GLIS3: variants seen among roughly 807,000 people sequenced by gnomAD.
The protein encoded by GLIS3 is zinc finger protein GLIS3.
A neutral mutation model predicts 78.6 loss-of-function variants in GLIS3; 53 were observed. That is an observed-to-expected ratio of 0.67 (90% CI 0.54 to 0.85). The LOEUF (loss-of-function observed/expected upper bound fraction) is 0.85, where lower values mean the gene tolerates loss of function less well. GLIS3 is among the 40% of genes least tolerant of loss of function. The pLI is 0.00. For synonymous variants in GLIS3, 684 were observed against 509.9 expected (o/e 1.34, Z -4.60); for missense variants, 1,703 against 1,231.1 (o/e 1.38, Z -5.74).
intron 4 of GLIS3, among the ~76,000 whole-genome samples, chr9:4,116,737 G>C (rs1320595313): frequency 6.6e-6 from 1 of 152,142 alleles, no homozygotes; most frequent in Non-Finnish European, 1.5e-5. Flanking sequence ...TGTTTAAATT[G>C]ATTTATATAT....
chr9:3,828,979 A>C (rs927176492), intron 10 of GLIS3, among the ~76,000 whole-genome samples: 3 of 152,196 alleles, frequency 2.0e-5, no homozygotes, highest in African/African-American at 7.2e-5. Flanking sequence ...GAAAAGAGGC[A>C]TATTTTATCC....
At chr9:3,926,237 T>TG (rs1489798670) in intron 6 of GLIS3, among the ~76,000 whole-genome samples, 4 of 149,460 alleles carry the variant, frequency 2.7e-5, no homozygotes, top group East Asian at 3.9e-4. Context: ...TCTTTTGTTT[T>TG]TTTTTTTTTC....
intron 4 of GLIS3, among the ~76,000 whole-genome samples, chr9:3,954,751 G>C (rs1816972186): frequency 6.6e-6 from 1 of 152,180 alleles, no homozygotes; most frequent in Non-Finnish European, 1.5e-5. Flanking sequence ...TATGGAGAAA[G>C]AATGAATATT....
intron 4 of GLIS3, among the ~76,000 whole-genome samples, chr9:3,969,937 C>T (rs1456434863): frequency 6.6e-6 from 1 of 152,148 alleles, no homozygotes; most frequent in Non-Finnish European, 1.5e-5. Flanking sequence ...GTTTCAGGGG[C>T]AAATCTTGCA....
intron 6 of GLIS3, among the ~76,000 whole-genome samples, chr9:3,919,648 TAA>T (rs570683535): frequency 2.4e-5 from 3 of 123,812 alleles, no homozygotes; most frequent in African/African-American, 8.8e-5. Context: ...AGTTAAAAAA[TAA>T]AAAAAAAAAA....
chr9:4,037,657 T>C (rs1824448873), intron 4 of GLIS3, among the ~76,000 whole-genome samples: 1 of 151,984 alleles, frequency 6.6e-6, no homozygotes, highest in Non-Finnish European at 1.5e-5. Flanking sequence ...CACTAGGAGA[T>C]AAATTTCTCA....
At chr9:3,867,424 A>G (rs1051070829) in intron 8 of GLIS3, among the ~76,000 whole-genome samples, 12 of 152,212 alleles carry the variant, frequency 7.9e-5, no homozygotes, top group Non-Finnish European at 1.5e-4. Flanking sequence ...CCAAAGGCCA[A>G]TGACCTAACT....
intron 7 of GLIS3, among the ~76,000 whole-genome samples, chr9:3,881,308 G>A (rs1481280028): frequency 6.6e-6 from 1 of 151,946 alleles, no homozygotes; most frequent in Non-Finnish European, 1.5e-5. Flanking sequence ...AGAAATGTGA[G>A]TTCTCCTATT....
intron 2 of GLIS3, among the ~76,000 whole-genome samples, chr9:4,203,998 G>C (rs1414237776): frequency 6.6e-6 from 1 of 152,068 alleles, no homozygotes; most frequent in Non-Finnish European, 1.5e-5. Flanking sequence ...AAAACTGTTG[G>C]GTATATGCTA....
chr9:4,375,474 T>C, the GLIS3 span, among the ~76,000 whole-genome samples: 10 of 152,238 alleles, frequency 6.6e-5, no homozygotes, highest in Non-Finnish European at 1.2e-4. Flanking sequence ...GTGTTTGTGC[T>C]ACATTGAAGA....
Position 4,117,879 on chromosome 9 carries a change from G to A in GLIS3, c.1599C>T (p.Asp533=). ...GGCAACCGGCCCAGAAGCAAGTGAA[G>A]TCCTCCCCTTTGCGCTGGTCGATGT... ...KVHIDQRKGE[D]FTCFWAGCPR... Residue 533 remains aspartate, a synonymous_variant, in exon 4 of 11, where the codon GAC becomes GAT. Transcript: ENST00000381971. 1 of 1,614,162 alleles carries A rather than the reference G, an allele frequency of 6.2e-7. No homozygotes were observed. Among genetic ancestry groups the A allele is most frequent in the Non-Finnish European group, 8.5e-7 (1 of 1,180,042 alleles).
chr9:4,413,120 C>T, the GLIS3 span, among the ~76,000 whole-genome samples: 3 of 152,142 alleles, frequency 2.0e-5, no homozygotes, highest in African/African-American at 7.2e-5. Flanking sequence ...TTATTAAAGG[C>T]AGGTAATCAT....
Position 3,898,703 on chromosome 9 carries a change from C to G in GLIS3, c.2116G>C (p.Asp706His). The G allele has an allele frequency of 6.2e-7, 1 of 1,614,080 alleles. No homozygotes were observed. The highest frequency in any genetic ancestry group is 8.5e-7 in the Non-Finnish European group (1 of 1,180,010). ...TTGCTGTCTTTACCTGAATAGAGGT[C>G]AGGCCCGGGTCCAGGGGAGCGTCCC... ...TVGRSPGPGP[D>H]LYSAPIFSSN... The change falls in exon 7 of 11, where the codon GAC becomes CAC. Residue 706 changes from aspartate (D) to histidine (H), a missense_variant. Transcript: ENST00000381971.
intron 2 of GLIS3, among the ~76,000 whole-genome samples, chr9:4,281,254 T>C (rs951626461): frequency 2.0e-5 from 3 of 152,252 alleles, no homozygotes; most frequent in African/African-American, 7.2e-5. Flanking sequence ...CACTTAGTAT[T>C]TGCTCTTTTA....
intron 6 of GLIS3, 129 bp from the exon 7 acceptor site, chr9:3,898,964 G>T (rs1823081341): frequency 1.8e-6 from 2 of 1,111,262 alleles, no homozygotes; most frequent in South Asian, 2.7e-5. Flanking sequence ...CTACGGGTAA[G>T]GCACAGAGCT....
At chr9:4,477,184 T>C in the GLIS3 span, among the ~76,000 whole-genome samples, 2 of 152,026 alleles carry the variant, frequency 1.3e-5, no homozygotes, top group African/African-American at 2.4e-5. Flanking sequence ...CACCAATGGA[T>C]GGATAAACAA....
At chr9:4,056,493 CA>C (rs1221958318) in intron 4 of GLIS3, among the ~76,000 whole-genome samples, 6 of 152,036 alleles carry the variant, frequency 3.9e-5, no homozygotes, top group African/African-American at 1.4e-4. Flanking sequence ...GGAGAGGTAA[CA>C]AATGAAATGA....
At chr9:4,347,865 T>C (rs746326529) in intron 1 of GLIS3, among the ~76,000 whole-genome samples, 2 of 152,192 alleles carry the variant, frequency 1.3e-5, no homozygotes, top group Non-Finnish European at 2.9e-5. Flanking sequence ...CTTTTGACTG[T>C]GGCTCATTAG....
chr9:4,353,227 C>A (rs1587400573), upstream of GLIS3, among the ~76,000 whole-genome samples: 2 of 152,202 alleles, frequency 1.3e-5, no homozygotes, highest in South Asian at 2.1e-4. Flanking sequence ...GACTTCTGTA[C>A]CCTACCAGCC....
Sources: allele counts gnomAD v4.1 joint callset (sites outside exome capture counted in the v4.1 genomes callset), GRCh38; gene constraint gnomAD v4.1.1; transcripts MANE v1.5; gene names NCBI Gene and HGNC (gene_info 2026-07-23, HGNC 2026-07-21).